FBXO11: variants seen among roughly 807,000 people sequenced by gnomAD.
The protein encoded by FBXO11 is F-box only protein 11.
A neutral mutation model predicts 117.0 loss-of-function variants in FBXO11; 13 were observed. The observed-to-expected ratio is 0.11, with a 90% CI of 0.07 to 0.18. The LOEUF (loss-of-function observed/expected upper bound fraction) is 0.18. FBXO11 is among the 10% of genes least tolerant of loss of function. FBXO11 has a pLI of 1.00. For missense variants in FBXO11, 767 were observed against 1,164.4 expected (o/e 0.66, Z 4.97); for synonymous variants, 490 against 380.5 (o/e 1.29, Z -3.35).
chr2:47,878,793 C>A (rs1218474061), intron 1 of FBXO11, among the ~76,000 whole-genome samples: 1 of 151,710 alleles, frequency 6.6e-6, no homozygotes, highest in Admixed American at 6.6e-5. Flanking sequence ...GCCTGGCCAA[C>A]AACATGGTGA....
Position 47,905,533 on chromosome 2 carries a change from G to A in FBXO11, c.188C>T (p.Pro63Leu), listed in dbSNP as rs1678724012. The change falls in exon 1 of 23, where the codon CCG becomes CTG. Residue 63 changes from proline to leucine, a missense_variant. By Grantham distance (98) the Pro-to-Leu change is moderately conservative. This residue lies in a region of FBXO11 where 355 missense variants were observed against 299.8 expected (regional missense o/e 1.18). Coordinates refer to ENST00000403359, the MANE Select transcript of FBXO11 (RefSeq NM_001190274.2). ...CCGCTCCTGAGGCAGCGGCGGAGGC[G>A]GCGGTGGCGGCGGCGGAGGCTGCTG... ...QQQQPPPPPP[P>L]PPPLPQERNN... The A allele has an allele frequency of 1.2e-5, 15 of 1,235,950 alleles. No individual in the cohort carries two copies. Among genetic ancestry groups the A allele is most frequent in the Admixed American group, 4.2e-5 (1 of 23,624 alleles). 76.6% of individuals were successfully genotyped at this position (1,235,950 alleles called of 1,614,324 possible). A position where few individuals can be genotyped will look rare whatever the true frequency, so the allele number is the denominator to read the frequency against.
intron 1 of FBXO11, among the ~76,000 whole-genome samples, chr2:47,858,600 TG>T (rs1436697807): frequency 7.0e-6 from 1 of 141,880 alleles, no homozygotes; most frequent in Non-Finnish European, 1.5e-5. Flanking sequence ...GAGAATCCCC[TG>T]AACCTGGGAG....
chr2:47,872,569 G>A (rs181694413), intron 1 of FBXO11, among the ~76,000 whole-genome samples: 17 of 152,220 alleles, frequency 1.1e-4, no homozygotes, highest in African/African-American at 3.4e-4. Flanking sequence ...GGTGATCCGC[G>A]TGCCTCGGCA....
At position 47,820,430 on chromosome 2, in the gene FBXO11, T is replaced by G. The variant is rs1424635785; in HGVS notation, c.1729A>C (p.Arg577=). 7 of 1,613,690 alleles carry G rather than the reference T, an allele frequency of 4.3e-6. No individual in the cohort carries two copies. The highest frequency in any genetic ancestry group is 5.9e-6 in the Non-Finnish European group (7 of 1,179,770). Residue 577 remains arginine (R), a synonymous_variant, in exon 14 of 23, where the codon AGG becomes CGG. Coordinates refer to ENST00000403359, the MANE Select transcript of FBXO11 (RefSeq NM_001190274.2). ...YGNALAGIQI[R]TNSCPIVRHN... ...CGAACAATTGGACAACTGTTTGTCC[T>G]AATTTGAATTCCTGCTAATGCATTG...
chr2:47,890,292 T>G lies in FBXO11; in HGVS notation c.232+15197A>C, dbSNP rs143561096. On this transcript the variant is annotated intron_variant, in intron 1 of 22. Transcript: ENST00000403359. ...TAATTTTAATTCTGAACTGACTTCC[T>G]GATTATCAGTCATCCTCATTTACTA... Among the ~76,000 whole-genome samples, 49 of 152,318 alleles carry G rather than the reference T, an allele frequency of 3.2e-4. No homozygotes were observed. In the East Asian group the frequency reaches 8.1e-3, roughly 25 times the overall value.
chr2:47,899,114 A>C (rs978831251), intron 1 of FBXO11, among the ~76,000 whole-genome samples: 2 of 151,960 alleles, frequency 1.3e-5, no homozygotes, highest in Admixed American at 6.6e-5. Flanking sequence ...CTCTACTAAA[A>C]ATACAAAAAA....
At chr2:47,814,496 A>G (rs1296882811) in intron 16 of FBXO11, among the ~76,000 whole-genome samples, 1 of 151,638 alleles carries the variant, frequency 6.6e-6, no homozygotes, top group Non-Finnish European at 1.5e-5. Context: ...CTCCTGCCTA[A>G]GCCTCCCGAG....
intron 1 of FBXO11, among the ~76,000 whole-genome samples, chr2:47,892,857 GTTTT>G (rs966629750): frequency 6.6e-6 from 1 of 150,908 alleles, no homozygotes; most frequent in Non-Finnish European, 1.5e-5. Flanking sequence ...TTATCTAGGC[GTTTT>G]TTTTTAAGTC....
intron 1 of FBXO11, among the ~76,000 whole-genome samples, chr2:47,877,009 G>A (rs1213961768): frequency 1.3e-5 from 2 of 150,374 alleles, no homozygotes; most frequent in Non-Finnish European, 3.0e-5. Flanking sequence ...GTTCAGTCTA[G>A]TACACATCTA....
In FBXO11 at chr2:47,808,100, T is replaced by C. The variant is rs751591266; in HGVS notation, c.*18A>G. On this transcript the variant is annotated 3_prime_UTR_variant, in exon 23 of 23. Transcript: ENST00000403359. ...TTATGATGTTACAATGGCAGGACTTTTTCTTTAGGGAAGGAATTCAGTTGT... is the reference window on the plus strand; with the variant it reads ...TTATGATGTTACAATGGCAGGACTTCTTCTTTAGGGAAGGAATTCAGTTGT... The C allele has an allele frequency of 1.3e-6, 2 of 1,593,154 alleles. No individual in the cohort carries two copies. Among genetic ancestry groups the C allele is most frequent in the South Asian group, 1.1e-5 (1 of 87,544 alleles).
chr2:47,860,463 C>T (rs1414290914), intron 1 of FBXO11, among the ~76,000 whole-genome samples: 3 of 147,806 alleles, frequency 2.0e-5, no homozygotes, highest in East Asian at 2.0e-4. Flanking sequence ...CAGAGTGGAG[C>T]GCAGTGGCAC....
intron 1 of FBXO11, among the ~76,000 whole-genome samples, chr2:47,849,995 C>A (rs1371449044): frequency 6.6e-6 from 1 of 152,122 alleles, no homozygotes; most frequent in Non-Finnish European, 1.5e-5. Context: ...ATCACCCAAA[C>A]AATGCAAAAA....
chr2:47,855,239 C>T (rs561397069), intron 1 of FBXO11, among the ~76,000 whole-genome samples: 15 of 150,898 alleles, frequency 9.9e-5, no homozygotes, highest in Middle Eastern at 6.8e-3. Flanking sequence ...CTCACTCTGT[C>T]GCCCAGGATA....
chr2:47,879,094 AT>A (rs1241686305), intron 1 of FBXO11, among the ~76,000 whole-genome samples: 1 of 152,214 alleles, frequency 6.6e-6, no homozygotes, highest in Admixed American at 6.5e-5. Context: ...TGTAAAAAAA[AT>A]ATGAATATAA....
rs1256589613 is a variant in FBXO11, at chr2:47,842,686, C to G, written c.233-2917G>C. Among the ~76,000 whole-genome samples, 4 of 149,734 alleles carry G rather than the reference C, an allele frequency of 2.7e-5. No individual in the cohort carries two copies. The South Asian group carries it at 8.4e-4, about 32-fold the overall frequency. On this transcript the variant is annotated intron_variant, in intron 1 of 22. Coordinates refer to ENST00000403359, the MANE Select transcript of FBXO11 (RefSeq NM_001190274.2). ...TATGCCTGGGCTCATATGCAGAGTTCAAGAAGTATTTCAATTACTATTATT... is the reference window on the plus strand; with the variant it reads ...TATGCCTGGGCTCATATGCAGAGTTGAAGAAGTATTTCAATTACTATTATT...
At chr2:47,810,464 T>C (rs200226423) in intron 18 of FBXO11, 38 bp from the exon 19 acceptor site, 2 of 1,276,584 alleles carry the variant, frequency 1.6e-6, no homozygotes, top group East Asian at 2.4e-5. Context: ...GGCTAATGCA[T>C]ATAACAGACT....
chr2:47,835,430 G>C (rs1199249574), intron 5 of FBXO11, among the ~76,000 whole-genome samples: 1 of 152,138 alleles, frequency 6.6e-6, no homozygotes, highest in African/African-American at 2.4e-5. Context: ...TTAATGGGGG[G>C]ATATGTCAGT....
In FBXO11 at chr2:47,905,587, G is replaced by C; in HGVS notation, c.134C>G (p.Pro45Arg). 4.0e-6 allele frequency: 5 copies of C among 1,258,712 alleles called. No homozygotes were observed. The highest frequency in any genetic ancestry group is 9.9e-7 in the Non-Finnish European group (1 of 1,005,468). 78.0% of individuals were successfully genotyped at this position (1,258,712 alleles called of 1,614,324 possible). Residue 45 changes from proline (P) to arginine (R), a missense_variant, in exon 1 of 23, where the codon CCT becomes CGT. Coordinates refer to ENST00000403359, the MANE Select transcript of FBXO11 (RefSeq NM_001190274.2). ...CTGCTGCTGCTGCGGCGGCGGCGGAGGCTGCTGCTGGGGCGGCTGCTGCTG... is the reference window on the plus strand; with the variant it reads ...CTGCTGCTGCTGCGGCGGCGGCGGACGCTGCTGCTGGGGCGGCTGCTGCTG... Reference protein sequence around the residue: ...PPQQQPPQQQPPPPPQQQQQQ... With the variant: ...PPQQQPPQQQRPPPPQQQQQQ...
intron 1 of FBXO11, among the ~76,000 whole-genome samples, chr2:47,904,194 A>T (rs1678551973): frequency 6.6e-6 from 1 of 152,212 alleles, no homozygotes; most frequent in African/African-American, 2.4e-5. Context: ...CCTTTAACCA[A>T]TGGAGGTGTG....
Sources: allele counts gnomAD v4.1 joint callset (sites outside exome capture counted in the v4.1 genomes callset), GRCh38; gene constraint gnomAD v4.1.1; regional missense constraint gnomAD v4.1.1; transcripts MANE v1.5; gene names NCBI Gene and HGNC (gene_info 2026-07-23, HGNC 2026-07-21).